The following PRG4 variants were observed in gnomAD, a reference collection of about 807,000 sequenced individuals.
PRG4 encodes the protein proteoglycan 4.
In PRG4, 61 loss-of-function variants were observed where a neutral mutation model predicts 91.2. The ratio of observed to expected loss-of-function variants is 0.67; its 90% CI spans 0.54 to 0.83. The LOEUF is 0.83. Ranked by LOEUF, PRG4 falls within the 40% of genes least tolerant of loss-of-function variation. The pLI, the probability that PRG4 is intolerant of heterozygous loss-of-function variation, is 0.00. For synonymous variants in PRG4, 576 were observed against 614.2 expected (o/e 0.94, Z 0.92); for missense variants, 1,564 against 1,714.2 (o/e 0.91, Z 1.55).
Position 186,313,735 on chromosome 1 carries a change from G to A in PRG4, c.4172G>A (p.Arg1391His), listed in dbSNP as rs1392551668. The A allele has an allele frequency of 1.4e-5, 23 of 1,610,008 alleles. No individual in the cohort carries two copies. Among genetic ancestry groups the A allele is most frequent in the African/African-American group, 4.0e-5 (3 of 74,794 alleles). Residue 1391 changes from arginine (R) to histidine (H), a missense_variant, in exon 13 of 13, where the codon CGT becomes CAT. By Grantham distance (29) the Arg-to-His change is conservative. Around this residue, in one of 3 missense-constraint regions of PRG4, gnomAD observed 1,079 missense variants for 1,162.2 expected, o/e 0.93. Coordinates refer to ENST00000445192, the MANE Select transcript of PRG4 (RefSeq NM_005807.6). ...PSRTARAITT[R>H]SGQTLSKVWY... ...AGAACAGCAAGAGCAATTACTACTC[G>A]TTCTGGGCAGACCTTATCCAAAGTC... is the stretch of plus-strand genomic sequence containing the variant.
intron 2 of PRG4, among the ~76,000 whole-genome samples, chr1:186,299,573 G>A (rs981340632): frequency 1.3e-5 from 2 of 152,144 alleles, no homozygotes; most frequent in Non-Finnish European, 2.9e-5. Flanking sequence ...TAATTGGGAG[G>A]TATTAATTAA....
At chr1:186,305,744 TG>T (rs1280428691) in intron 6 of PRG4, among the ~76,000 whole-genome samples, 1 of 151,748 alleles carries the variant, frequency 6.6e-6, no homozygotes, top group Non-Finnish European at 1.5e-5. Context: ...ACTGTCTTTT[TG>T]CTGCCCATCA....
chr1:186,312,493 T>G, intron 11 of PRG4, 121 bp downstream of exon 11: 1 of 1,066,532 alleles, frequency 9.4e-7, no homozygotes, highest in African/African-American at 1.6e-5. Context: ...TTAAGCTTAC[T>G]GATGAAAAAC....
In PRG4 at chr1:186,312,763, T is replaced by C; in HGVS notation, c.3992-6T>C. The C allele has an allele frequency of 6.2e-7, 1 of 1,612,628 alleles. No individual in the cohort carries two copies. The highest frequency in any genetic ancestry group is 8.5e-7 in the Non-Finnish European group (1 of 1,178,694). Reference sequence around the variant, plus strand: ...TGGTATCTTTTATTAAACATGCCACTTACAGGTGTCCTTCATAATGAAGTT... The same window carrying C: ...TGGTATCTTTTATTAAACATGCCACCTACAGGTGTCCTTCATAATGAAGTT... On this transcript the variant is annotated splice_polypyrimidine_tract_variant and splice_region_variant and intron_variant, in intron 11 of 12. Transcript: ENST00000445192.
At position 186,301,591 on chromosome 1, in the gene PRG4, G is replaced by A; in HGVS notation, c.200-1G>A. 1 of 1,613,984 alleles carries A rather than the reference G, an allele frequency of 6.2e-7. No individual in the cohort carries two copies. Among genetic ancestry groups the A allele is most frequent in the African/African-American group, 1.3e-5 (1 of 75,054 alleles). On this transcript the variant is annotated splice_acceptor_variant, in intron 3 of 12. Transcript: ENST00000445192. LOFTEE classifies it high-confidence loss of function. ...GTAACTTCTTGTTTTGCTCTGGGTA[G>A]AGCTTTCCTGTAAAGGCCGCTGCTT...
intron 4 of PRG4, among the ~76,000 whole-genome samples, chr1:186,303,838 G>A (rs1656374126): frequency 6.6e-6 from 1 of 152,178 alleles, no homozygotes; most frequent in African/African-American, 2.4e-5. Flanking sequence ...AGGTCACAAT[G>A]GTAGAGGCTC....
intron 3 of PRG4, among the ~76,000 whole-genome samples, chr1:186,300,573 A>G (rs1656144264): frequency 6.6e-6 from 1 of 152,224 alleles, no homozygotes; most frequent in Non-Finnish European, 1.5e-5. Flanking sequence ...AATTATTTAC[A>G]ATCAGAGATG....
rs1162211991 is a variant in PRG4 at position 186,314,421 on chromosome 1, T to A, written c.*643T>A. 1 of 377,482 alleles carries A rather than the reference T, an allele frequency of 2.6e-6. No individual in the cohort carries two copies. Among genetic ancestry groups the A allele is most frequent in the African/African-American group, 2.1e-5 (1 of 48,016 alleles). The allele number at this position is 377,482 out of a possible 1,614,324, so 23.4% of individuals were successfully genotyped here. On this transcript the variant is annotated 3_prime_UTR_variant, in exon 13 of 13. Coordinates refer to ENST00000445192, the MANE Select transcript of PRG4 (RefSeq NM_005807.6). ...GGAAGAAATCAATAAATATAAAATA[T>A]AAGCACATATTTATTATATATCTAA...
intron 3 of PRG4, among the ~76,000 whole-genome samples, chr1:186,301,195 G>A (rs1034833147): frequency 1.3e-4 from 20 of 152,180 alleles, no homozygotes; most frequent in African/African-American, 4.6e-4. Flanking sequence ...ATATTGCTGA[G>A]ATCTGTACAT....
intron 10 of PRG4, chr1:186,311,931 G>C (rs1401972630): frequency 1.9e-6 from 1 of 539,240 alleles, no homozygotes; most frequent in East Asian, 3.2e-5. Flanking sequence ...CTGAGCACTT[G>C]TCACTTTCAA....
chr1:186,297,648 G>A (rs954580224), intron 2 of PRG4, among the ~76,000 whole-genome samples: 2 of 152,140 alleles, frequency 1.3e-5, no homozygotes, highest in African/African-American at 4.8e-5. Context: ...CATCTAGGGG[G>A]ATTAATAGTA....
intron 1 of PRG4, 60 bp from the exon 2 acceptor site, chr1:186,296,786 A>G: frequency 1.1e-6 from 1 of 877,828 alleles, no homozygotes. Flanking sequence ...TGTATAATGC[A>G]AGCCTAAGTT....
chr1:186,306,923 A>C lies in PRG4; in HGVS notation c.1204A>C (p.Lys402Gln). 1 of 1,594,700 alleles carries C rather than the reference A, an allele frequency of 6.3e-7. No homozygotes were observed. Among genetic ancestry groups the C allele is most frequent in the Non-Finnish European group, 8.5e-7 (1 of 1,173,898 alleles). Residue 402 changes from lysine (K) to glutamine (Q), a missense_variant, in exon 7 of 13, where the codon AAG becomes CAG. Lys to Gln is a moderately conservative substitution (Grantham distance 53). Coordinates refer to ENST00000445192, the MANE Select transcript of PRG4 (RefSeq NM_005807.6). ...CAAGGAGCCTGCACCCACCACCACCAAGGAGCCTGCACCCACCACTCCCAA... is the reference window on the plus strand; with the variant it reads ...CAAGGAGCCTGCACCCACCACCACCCAGGAGCCTGCACCCACCACTCCCAA... ...TPKEPAPTTT[K>Q]EPAPTTPKEP...
chr1:186,298,904 A>G (rs1198737833), intron 2 of PRG4, among the ~76,000 whole-genome samples: 1 of 152,032 alleles, frequency 6.6e-6, no homozygotes, highest in Non-Finnish European at 1.5e-5. Flanking sequence ...TACATACACT[A>G]TATATACATT....
Position 186,306,866 on chromosome 1 carries a change from C to A in PRG4, c.1147C>A (p.Pro383Thr). Reference sequence around the variant, plus strand: ...ACCCACCACCCCCAAGGAGCCTGCACCCACCACCACCAAGTCTGCACCCAC... The same window carrying A: ...ACCCACCACCCCCAAGGAGCCTGCAACCACCACCACCAAGTCTGCACCCAC... ...SAPTTPKEPAPTTTKSAPTTP... is the reference protein window; with the variant it reads ...SAPTTPKEPATTTTKSAPTTP... The change falls in exon 7 of 13, where the codon CCC becomes ACC. Residue 383 changes from proline to threonine, a missense_variant. Pro to Thr is a conservative substitution (Grantham distance 38). This residue lies in a region of PRG4 where 437 missense variants were observed against 459.0 expected (regional missense o/e 0.95). Transcript: ENST00000445192. The A allele has an allele frequency of 6.2e-7, 1 of 1,609,134 alleles. No homozygotes were observed. The highest frequency in any genetic ancestry group is 2.2e-5 in the East Asian group (1 of 44,560).
At chr1:186,311,938 T>C in intron 10 of PRG4, 1 of 543,792 alleles carries the variant, frequency 1.8e-6, no homozygotes, top group Non-Finnish European at 3.2e-6. Context: ...CTTGTCACTT[T>C]CAATTGAAAT....
rs754732482 is a variant in PRG4, at chr1:186,309,055, T to C, written c.3336T>C (p.His1112=). ...GETPHMLLRP[H]VFMPEVTPDM... is the part of the protein sequence containing the mutation. ...CACCTCATATGCTTCTCAGGCCCCA[T>C]GTGTTCATGCCTGAAGTTACTCCCG... The change falls in exon 7 of 13, where the codon CAT becomes CAC. Residue 1112 remains histidine, a synonymous_variant. Transcript: ENST00000445192. The C allele has an allele frequency of 6.5e-5, 105 of 1,613,784 alleles. No homozygotes were observed. Among genetic ancestry groups the C allele is most frequent in the Non-Finnish European group, 8.5e-5 (100 of 1,179,858 alleles).
intron 8 of PRG4, among the ~76,000 whole-genome samples, 154 bp from the exon 9 acceptor site, chr1:186,310,880 C>A (rs1305663577): frequency 6.6e-6 from 1 of 152,030 alleles, no homozygotes; most frequent in Non-Finnish European, 1.5e-5. Context: ...TTGGGAAATA[C>A]CTGCTCTCAG....
Position 186,314,082 on chromosome 1 carries a change from G to A in PRG4, c.*304G>A, listed in dbSNP as rs948847750. ...TATCTTTTAAGAATTCAAAACTAGT[G>A]TATTCACTTACCCTAGTTCATTATA... On this transcript the variant is annotated 3_prime_UTR_variant, in exon 13 of 13. Transcript: ENST00000445192. The A allele has an allele frequency of 1.5e-5, 23 of 1,505,654 alleles. No homozygotes were observed. Among genetic ancestry groups the A allele is most frequent in the Non-Finnish European group, 2.0e-5 (22 of 1,095,014 alleles). The allele number at this position is 1,505,654 out of a possible 1,614,324, so 93.3% of individuals were successfully genotyped here. A position where few individuals can be genotyped will look rare whatever the true frequency, so the allele number is the denominator to read the frequency against.
Sources: allele counts gnomAD v4.1 joint callset (sites outside exome capture counted in the v4.1 genomes callset), GRCh38; gene constraint gnomAD v4.1.1; regional missense constraint gnomAD v4.1.1; transcripts MANE v1.5; gene names NCBI Gene and HGNC (gene_info 2026-07-23, HGNC 2026-07-21).